The following SLC9A2 variants were observed in gnomAD, a reference collection of about 807,000 sequenced individuals.
The protein encoded by SLC9A2 is sodium/hydrogen exchanger 2.
SLC9A2 carries 42 observed loss-of-function variants against 71.7 expected under a neutral mutation model. The observed-to-expected ratio is 0.59, with a 90% confidence interval of 0.46 to 0.76. The LOEUF (loss-of-function observed/expected upper bound fraction) is 0.76. SLC9A2 is among the 30% of genes least tolerant of loss of function. The pLI, the probability that SLC9A2 is intolerant of heterozygous loss-of-function variation, is 0.00. For synonymous variants in SLC9A2, 396 were observed against 392.5 expected, an observed-to-expected ratio of 1.01 and a Z score of -0.10; for missense variants, 829 against 1,017.4, an observed-to-expected ratio of 0.81 and a Z score of 2.52.
chr2:102,638,617 G>T (rs568310691), intron 1 of SLC9A2, among the ~76,000 whole-genome samples: 117 of 152,352 alleles, frequency 7.7e-4, no homozygotes, highest in South Asian at 2.5e-3. Flanking sequence ...TTGAATGAAA[G>T]TGTTCCTTAT....
At position 102,665,522 on chromosome 2, in the gene SLC9A2, C is replaced by A. The variant is rs974437341; in HGVS notation, c.1004+172C>A. ...GGGCACAGTGGCTCACGCCTGTAAT[C>A]CCAGCACTTTGGGAGGCCGAGACGC... On this transcript the variant is annotated intron_variant, in intron 3 of 11. Coordinates refer to ENST00000233969, the MANE Select transcript of SLC9A2 (RefSeq NM_003048.6). Among the ~76,000 whole-genome samples the A allele has an allele frequency of 4.6e-5, 7 of 152,086 alleles. No individual in the cohort carries two copies. In the East Asian group the frequency reaches 1.4e-3, roughly 30 times the overall value.
rs75412977 is a variant in SLC9A2, at chr2:102,638,415, G to A, written c.289+18278G>A. Among the ~76,000 whole-genome samples, 833 of 152,300 alleles carry A rather than the reference G, an allele frequency of 5.5e-3. 5 individuals are homozygous for A. The highest frequency in any genetic ancestry group is 0.014 in the Middle Eastern group (4 of 294). ...CATACTCTGACCATTGACAAATGTG[G>A]GAAGGACACTATGGAATATCTAAGG... is the stretch of plus-strand genomic sequence containing the variant. On this transcript the variant is annotated intron_variant, in intron 1 of 11. Transcript: ENST00000233969.
rs532381003 is a variant in SLC9A2 at position 102,708,967 on chromosome 2, C to T, written c.*478C>T. 21 of 158,734 alleles carry T rather than the reference C, an allele frequency of 1.3e-4. No homozygotes were observed. Among genetic ancestry groups the T allele is most frequent in the Middle Eastern group, 3.3e-3 (1 of 304 alleles). The allele number at this position is 158,734 out of a possible 1,614,324, so 9.8% of individuals were successfully genotyped here. ...GCTCGGGGGTGACTCCTAAGCTCAG[C>T]GTGGAAGCTTTTCCCTGTCCTGACC... On this transcript the variant is annotated 3_prime_UTR_variant, in exon 12 of 12. Coordinates refer to ENST00000233969, the MANE Select transcript of SLC9A2 (RefSeq NM_003048.6).
Position 102,697,633 on chromosome 2 carries a change from T to C in SLC9A2, c.1586+2520T>C, listed in dbSNP as rs557484455. Among the ~76,000 whole-genome samples, 188 of 146,780 alleles carry C rather than the reference T, an allele frequency of 1.3e-3. 1 individual carries two copies. The highest frequency in any genetic ancestry group is 4.5e-3 in the African/African-American group (182 of 40,206). On this transcript the variant is annotated intron_variant, in intron 7 of 11. Coordinates refer to ENST00000233969, the MANE Select transcript of SLC9A2 (RefSeq NM_003048.6). ...TCCCTGCTCTACCTATGATATACAG[T>C]GTCATAGACATCATAGATGCTGTAT...
intron 1 of SLC9A2, among the ~76,000 whole-genome samples, chr2:102,653,443 C>T (rs190618197): frequency 4.6e-5 from 7 of 152,278 alleles, no homozygotes; most frequent in Middle Eastern, 3.4e-3. Context: ...ATGTTCTGGT[C>T]GGTCTTCATT....
rs112993736 is a variant in SLC9A2, at chr2:102,654,224, G to A, written c.290-3340G>A. 1.8e-4 allele frequency among the ~76,000 whole-genome samples: 21 copies of A among 119,016 alleles called. No individual in the cohort carries two copies. In the Admixed American group the frequency reaches 1.9e-3, roughly 11 times the overall value. 78.1% of individuals were successfully genotyped at this position (119,016 alleles called of 152,430 possible). A position where few individuals can be genotyped will look rare whatever the true frequency, so the allele number is the denominator to read the frequency against. On this transcript the variant is annotated intron_variant, in intron 1 of 11. Coordinates refer to ENST00000233969, the MANE Select transcript of SLC9A2 (RefSeq NM_003048.6). Reference sequence around the variant, plus strand: ...TTTTTTTTTTTTTTTTTTTTGAGACGGAGTCTCACTCTGGCTGACTCTTAT... The same window carrying A: ...TTTTTTTTTTTTTTTTTTTTGAGACAGAGTCTCACTCTGGCTGACTCTTAT...
chr2:102,656,966 A>G (rs906689305), intron 1 of SLC9A2, among the ~76,000 whole-genome samples: 7 of 152,206 alleles, frequency 4.6e-5, no homozygotes, highest in Admixed American at 4.6e-4. Context: ...GAACTTTGAG[A>G]GGCCGAGGTG....
At chr2:102,653,913 G>C (rs1245361169) in intron 1 of SLC9A2, among the ~76,000 whole-genome samples, 1 of 152,206 alleles carries the variant, frequency 6.6e-6, no homozygotes, top group Non-Finnish European at 1.5e-5. Flanking sequence ...GAGGCACAGT[G>C]GTAAGTACTG....
At position 102,631,995 on chromosome 2, in the gene SLC9A2, G is replaced by GAGATACATAT. The variant is rs1379688833; in HGVS notation, c.289+11859_289+11860insGATACATATA. ...CTTCCATTTAATTAATGAAAGTGGG[G>GAGATACATAT]ATATATATATATATATATATATATA... On this transcript the variant is annotated intron_variant, in intron 1 of 11. Transcript: ENST00000233969. Among the ~76,000 whole-genome samples, 4 of 43,230 alleles carry GAGATACATAT rather than the reference G, an allele frequency of 9.3e-5. 1 individual carries two copies. The highest frequency in any genetic ancestry group is 3.2e-4 in the African/African-American group (4 of 12,452). The allele number at this position is 43,230 out of a possible 152,430, so 28.4% of individuals were successfully genotyped here.
At chr2:102,685,824 T>C (rs1677536639) in intron 5 of SLC9A2, among the ~76,000 whole-genome samples, 2 of 152,266 alleles carry the variant, frequency 1.3e-5, no homozygotes, top group South Asian at 2.1e-4. Flanking sequence ...GCAGATATTA[T>C]GAGTCTGGAG....
chr2:102,668,887 C>T (rs1040703182), intron 3 of SLC9A2, among the ~76,000 whole-genome samples: 7 of 152,096 alleles, frequency 4.6e-5, no homozygotes. Context: ...GCTTTGTTGC[C>T]TCTTGGGCAG....
chr2:102,706,737 G>C (rs1677984999), intron 11 of SLC9A2, among the ~76,000 whole-genome samples: 1 of 152,056 alleles, frequency 6.6e-6, no homozygotes. Flanking sequence ...GGGCCCAAGG[G>C]CAGGTAAACA....
At chr2:102,678,051 G>C (rs1283416741) in intron 3 of SLC9A2, among the ~76,000 whole-genome samples, 1 of 152,160 alleles carries the variant, frequency 6.6e-6, no homozygotes, top group Non-Finnish European at 1.5e-5. Flanking sequence ...TGAAGGTGTT[G>C]CTCAAATGTC....
At chr2:102,632,928 C>T (rs1676403732) in intron 1 of SLC9A2, among the ~76,000 whole-genome samples, 1 of 152,162 alleles carries the variant, frequency 6.6e-6, no homozygotes, top group African/African-American at 2.4e-5. Flanking sequence ...TGTGACTCTG[C>T]CTCTGGCTGC....
chr2:102,696,602 T>G (rs1677773741), intron 7 of SLC9A2, among the ~76,000 whole-genome samples: 1 of 152,082 alleles, frequency 6.6e-6, no homozygotes, highest in Non-Finnish European at 1.5e-5. Context: ...CTCCTGTGTG[T>G]GTGTATATAT....
At chr2:102,627,130 T>TAAC (rs112963978) in intron 1 of SLC9A2, among the ~76,000 whole-genome samples, 5,808 of 124,094 alleles carry the variant, frequency 0.047, 378 homozygotes, top group African/African-American at 0.15. Flanking sequence ...TTCAAAATGT[T>TAAC]AACAACAACA....
Position 102,704,631 on chromosome 2 carries a change from C to A in SLC9A2, c.1933C>A (p.Arg645=), listed in dbSNP as rs201034436. The A allele has an allele frequency of 2.5e-6, 4 of 1,613,116 alleles. No individual in the cohort carries two copies. The highest frequency in any genetic ancestry group is 2.2e-5 in the East Asian group (1 of 44,832). The part of the protein sequence containing the change: ...EILIRRRHSL[R]ESIRKDSSLN... ...TCTGATTCGCCGGCGACACAGTTTG[C>A]GAGAAAGCATTAGGAAGGACAGCAG... The change falls in exon 10 of 12, where the codon CGA becomes AGA. Residue 645 remains arginine, a synonymous_variant. Coordinates refer to ENST00000233969, the MANE Select transcript of SLC9A2 (RefSeq NM_003048.6).
intron 1 of SLC9A2, among the ~76,000 whole-genome samples, chr2:102,653,118 C>A (rs1426711115): frequency 6.6e-6 from 1 of 152,202 alleles, no homozygotes; most frequent in Non-Finnish European, 1.5e-5. Flanking sequence ...GGGCATGTTA[C>A]ACAACACAGT....
At chr2:102,621,385 C>G (rs1676133525) in intron 1 of SLC9A2, among the ~76,000 whole-genome samples, 1 of 149,346 alleles carries the variant, frequency 6.7e-6, no homozygotes, top group Non-Finnish European at 1.5e-5. Flanking sequence ...TACCCACTTT[C>G]ATACTACCTT....
Sources: allele counts gnomAD v4.1 joint callset (sites outside exome capture counted in the v4.1 genomes callset), GRCh38; gene constraint gnomAD v4.1.1; transcripts MANE v1.5; gene names NCBI Gene and HGNC (gene_info 2026-07-23, HGNC 2026-07-21).